CHMP4C: variants seen among roughly 807,000 people sequenced by gnomAD.
The protein encoded by CHMP4C is SNF7 homolog associated with Alix 3.
In CHMP4C, 28 loss-of-function variants were observed where a neutral mutation model predicts 29.0. That is an observed-to-expected ratio of 0.97 (90% confidence interval 0.72 to 1.32). The LOEUF (loss-of-function observed/expected upper bound fraction) is 1.32. Ranked by LOEUF, CHMP4C falls within the 40% of genes most tolerant of loss-of-function variation. CHMP4C has a pLI of 0.00. For missense variants in CHMP4C, 291 were observed against 281.0 expected, an observed-to-expected ratio of 1.04 and a Z score of -0.25; for synonymous variants, 106 against 102.4, an observed-to-expected ratio of 1.04 and a Z score of -0.21.
intron 1 of CHMP4C, among the ~76,000 whole-genome samples, chr8:81,741,560 C>A (rs1808762518): frequency 6.6e-6 from 1 of 151,750 alleles, no homozygotes; most frequent in Non-Finnish European, 1.5e-5. Context: ...GACAAGGGAT[C>A]TAATACTCAG....
intron 1 of CHMP4C, among the ~76,000 whole-genome samples, chr8:81,750,928 A>G (rs563193401): frequency 9.2e-5 from 14 of 152,292 alleles, no homozygotes; most frequent in African/African-American, 3.4e-4. Context: ...TCCTAACTCC[A>G]AAGTGTAAAA....
intron 1 of CHMP4C, among the ~76,000 whole-genome samples, chr8:81,741,912 A>G (rs2130479887): frequency 6.6e-6 from 1 of 152,250 alleles, no homozygotes; most frequent in Non-Finnish European, 1.5e-5. Flanking sequence ...TAAAATTAAA[A>G]CAAACAAAAG....
intron 1 of CHMP4C, among the ~76,000 whole-genome samples, chr8:81,740,100 AGTT>A (rs1178625018): frequency 6.6e-6 from 1 of 152,266 alleles, no homozygotes; most frequent in Non-Finnish European, 1.5e-5. Context: ...TTGTTGTAGA[AGTT>A]GTTGTTAAAA....
At chr8:81,749,641 C>T (rs1453214723) in intron 1 of CHMP4C, among the ~76,000 whole-genome samples, 1 of 152,160 alleles carries the variant, frequency 6.6e-6, no homozygotes, top group African/African-American at 2.4e-5. Flanking sequence ...CTACCTAAAC[C>T]ACTTAATACC....
intron 1 of CHMP4C, among the ~76,000 whole-genome samples, chr8:81,740,237 G>C (rs776983167): frequency 2.6e-5 from 4 of 152,170 alleles, no homozygotes; most frequent in Admixed American, 2.6e-4. Flanking sequence ...AACCCTTTTG[G>C]CACCAGGGAC....
chr8:81,756,536 C>A (rs1291621666), intron 3 of CHMP4C, among the ~76,000 whole-genome samples: 1 of 152,046 alleles, frequency 6.6e-6, no homozygotes, highest in East Asian at 1.9e-4. Flanking sequence ...GTCTCTTTTA[C>A]TTTTCTGACT....
In CHMP4C at chr8:81,755,444, C is replaced by T. The variant is rs1563623451; in HGVS notation, c.443C>T (p.Ala148Val). 1.4e-5 allele frequency: 22 copies of T among 1,611,956 alleles called. No individual in the cohort carries two copies. The highest frequency in any genetic ancestry group is 1.6e-5 in the Non-Finnish European group (19 of 1,178,564). ...GATATCGCCCAAGAAATCTCAGAAGCATTTTCTCAACGGGTTGGCTTTGGT... is the reference window on the plus strand; with the variant it reads ...GATATCGCCCAAGAAATCTCAGAAGTATTTTCTCAACGGGTTGGCTTTGGT... Reference protein sequence around the residue: ...QQDIAQEISEAFSQRVGFGDD... With the variant: ...QQDIAQEISEVFSQRVGFGDD... The change falls in exon 3 of 5, where the codon GCA (alanine) becomes GTA (valine). Residue 148 changes from alanine (A) to valine (V), a missense_variant. Physicochemically the swap from Ala to Val is moderately conservative, Grantham distance 64. Coordinates refer to ENST00000297265, the MANE Select transcript of CHMP4C (RefSeq NM_152284.4).
In CHMP4C at chr8:81,732,675, C is replaced by A. The variant is rs763091055; in HGVS notation, c.49C>A (p.Arg17=). ...FFKGGGSSKS[R]AAPSPQEALV... is the part of the protein sequence containing the mutation. ...TAAAGGGGGCGGCTCTTCTAAGAGC[C>A]GAGCCGCTCCCAGTCCCCAGGAGGC... Residue 17 remains arginine, a synonymous_variant, in exon 1 of 5, where the codon CGA becomes AGA. Transcript: ENST00000297265. 1.3e-6 allele frequency: 2 copies of A among 1,571,692 alleles called. No individual in the cohort carries two copies. Among genetic ancestry groups the A allele is most frequent in the East Asian group, 2.3e-5 (1 of 42,962 alleles).
At chr8:81,755,548 T>C (rs1808961720) in intron 3 of CHMP4C, 64 bp downstream of exon 3, 2 of 890,300 alleles carry the variant, frequency 2.2e-6, no homozygotes, top group Admixed American at 3.7e-5. Context: ...TCCTGTCATA[T>C]ATAGTAGGCA....
chr8:81,757,168 C>T (rs1446505569), intron 3 of CHMP4C, among the ~76,000 whole-genome samples: 1 of 152,104 alleles, frequency 6.6e-6, no homozygotes, highest in African/African-American at 2.4e-5. Context: ...AGTGTAAGCT[C>T]CTTGAATATA....
At chr8:81,733,093 A>G (rs1808640700) in intron 1 of CHMP4C, among the ~76,000 whole-genome samples, 1 of 152,234 alleles carries the variant, frequency 6.6e-6, no homozygotes, top group Non-Finnish European at 1.5e-5. Context: ...GCCAAAAAAG[A>G]AATGATGAAG....
chr8:81,733,169 ATGT>A (rs1324370482), intron 1 of CHMP4C, among the ~76,000 whole-genome samples: 1 of 152,204 alleles, frequency 6.6e-6, no homozygotes, highest in Non-Finnish European at 1.5e-5. Flanking sequence ...TCTAGCTCTT[ATGT>A]TGTTATGTGC....
intron 1 of CHMP4C, among the ~76,000 whole-genome samples, chr8:81,751,022 T>A (rs755936077): frequency 1.3e-5 from 2 of 152,148 alleles, no homozygotes; most frequent in Non-Finnish European, 2.9e-5. Flanking sequence ...TCAAACTTTT[T>A]AAAAAGTTAG....
chr8:81,743,334 T>G (rs1034334408), intron 1 of CHMP4C, among the ~76,000 whole-genome samples: 2 of 151,428 alleles, frequency 1.3e-5, no homozygotes, highest in African/African-American at 4.8e-5. Flanking sequence ...TATTTCTGAG[T>G]TTTTCTGTTA....
chr8:81,750,984 T>C (rs1346533826), intron 1 of CHMP4C, among the ~76,000 whole-genome samples: 1 of 152,090 alleles, frequency 6.6e-6, no homozygotes, highest in Non-Finnish European at 1.5e-5. Context: ...AAGAGATTAT[T>C]TGCAAAGGGA....
chr8:81,741,892 G>T (rs1808766837), intron 1 of CHMP4C, among the ~76,000 whole-genome samples: 1 of 152,018 alleles, frequency 6.6e-6, no homozygotes, highest in Non-Finnish European at 1.5e-5. Context: ...GTTTGCAGAA[G>T]AAGAAAAAAT....
chr8:81,753,355 C>CA (rs1808932881), intron 2 of CHMP4C, 114 bp downstream of exon 2: 1 of 621,352 alleles, frequency 1.6e-6, no homozygotes, highest in Admixed American at 4.0e-5. Flanking sequence ...GGCTCTTTGA[C>CA]ATGTTGAATA....
intron 2 of CHMP4C, among the ~76,000 whole-genome samples, chr8:81,753,621 A>G (rs1481502368): frequency 1.3e-5 from 2 of 152,116 alleles, no homozygotes; most frequent in Admixed American, 1.3e-4. Context: ...AATAAAGAGA[A>G]CACAGATGCC....
chr8:81,748,711 G>A (rs902393209), intron 1 of CHMP4C, among the ~76,000 whole-genome samples: 66 of 151,974 alleles, frequency 4.3e-4, no homozygotes, highest in African/African-American at 1.3e-3. Flanking sequence ...AGGCGATCAC[G>A]AGGTCAGGAG....
Sources: gnomAD v4.1 joint callset for allele counts (sites outside exome capture counted in the v4.1 genomes callset) on GRCh38, gnomAD v4.1.1 for gene constraint, MANE v1.5 for transcripts, NCBI Gene and HGNC (gene_info 2026-07-23, HGNC 2026-07-21) for gene names.